The following PCDH15 variants were observed in gnomAD, a reference collection of about 807,000 sequenced individuals.
The protein encoded by PCDH15 is protocadherin-15.
Under a neutral mutation model 178.5 loss-of-function variants are expected in PCDH15, and 129 were observed. That is an observed-to-expected ratio of 0.72 (90% CI 0.63 to 0.84). The LOEUF (loss-of-function observed/expected upper bound fraction) is 0.84, where lower values mean the gene tolerates loss of function less well. Among genes scored for constraint, PCDH15 ranks in the 40% least tolerant of loss-of-function variants. The pLI is 0.00. For synonymous variants in PCDH15, 800 were observed against 732.0 expected (o/e 1.09, Z -1.50); for missense variants, 2,230 against 2,099.9 (o/e 1.06, Z -1.21).
At chr10:54,684,294 G>A (rs7893662) in intron 1 of PCDH15, among the ~76,000 whole-genome samples, 77,276 of 151,390 alleles carry the variant, frequency 0.51, 20,467 homozygotes, top group Non-Finnish European at 0.6. Flanking sequence ...AAAATGTATT[G>A]TAGGTATAGA....
chr10:55,397,079 T>A (rs775182108), intron 2 of PCDH15, among the ~76,000 whole-genome samples: 3 of 152,178 alleles, frequency 2.0e-5, no homozygotes, highest in African/African-American at 7.2e-5. Flanking sequence ...AAAATGAGAC[T>A]GCTATGTAGT....
intron 2 of PCDH15, among the ~76,000 whole-genome samples, chr10:54,645,162 CT>C (rs1226293943): frequency 1.3e-5 from 2 of 152,098 alleles, no homozygotes; most frequent in Non-Finnish European, 2.9e-5. Context: ...GCATTTCTTG[CT>C]ATTTTAAAAT....
At chr10:55,042,161 G>A (rs572651425) in intron 2 of PCDH15, among the ~76,000 whole-genome samples, 2 of 152,150 alleles carry the variant, frequency 1.3e-5, no homozygotes, top group Non-Finnish European at 2.9e-5. Flanking sequence ...TGAGACTCTA[G>A]GAAATTCAGA....
chr10:54,531,711 G>T (rs2132740038), intron 2 of PCDH15, among the ~76,000 whole-genome samples: 1 of 152,134 alleles, frequency 6.6e-6, no homozygotes, highest in South Asian at 2.1e-4. Flanking sequence ...TATTAACATA[G>T]TAATTGCCCT....
At chr10:54,327,898 C>G (rs896842694) in intron 7 of PCDH15, among the ~76,000 whole-genome samples, 1 of 152,000 alleles carries the variant, frequency 6.6e-6, no homozygotes, top group African/African-American at 2.4e-5. Context: ...TGTCTCCACA[C>G]GTGCACATCC....
intron 2 of PCDH15, among the ~76,000 whole-genome samples, chr10:55,535,606 A>G (rs1841559767): frequency 6.6e-6 from 1 of 152,014 alleles, no homozygotes; most frequent in South Asian, 2.1e-4. Flanking sequence ...GAAATATACA[A>G]GTTAACATTT....
chr10:54,270,257 A>G (rs2057964307), intron 8 of PCDH15, among the ~76,000 whole-genome samples: 1 of 152,112 alleles, frequency 6.6e-6, no homozygotes, highest in Non-Finnish European at 1.5e-5. Context: ...CTTATCATAC[A>G]TCCTAAACCA....
chr10:54,256,448 T>A (rs2056903581), intron 8 of PCDH15, among the ~76,000 whole-genome samples: 1 of 152,212 alleles, frequency 6.6e-6, no homozygotes, highest in Admixed American at 6.5e-5. Context: ...AGACTAACAT[T>A]TATTGATACT....
At chr10:55,358,583 C>T (rs1483862267) in intron 2 of PCDH15, among the ~76,000 whole-genome samples, 1 of 151,974 alleles carries the variant, frequency 6.6e-6, no homozygotes, top group Middle Eastern at 3.2e-3. Flanking sequence ...TAATAGTTGC[C>T]ACCTAAAGTA....
At chr10:54,790,778 CTT>C (rs1019031252) in intron 1 of PCDH15, among the ~76,000 whole-genome samples, 4 of 151,686 alleles carry the variant, frequency 2.6e-5, no homozygotes, top group African/African-American at 9.7e-5. Context: ...TAATCAGCCT[CTT>C]TGAATAAAAC....
At chr10:55,366,236 G>A (rs1227243963) in intron 2 of PCDH15, 2 of 151,984 alleles carry the variant, frequency 1.3e-5, no homozygotes, top group African/African-American at 4.8e-5. Flanking sequence ...ATAAGATTTT[G>A]TTTAGTTGGT....
At chr10:55,547,910 T>TGTGTGTGAGAGAGAGAGCGAGA (rs541144266) in intron 2 of PCDH15, among the ~76,000 whole-genome samples, 1 of 54,508 alleles carries the variant, frequency 1.8e-5, no homozygotes, top group Admixed American at 2.1e-4. Context: ...TGTGTGTGTG[T>TGTGTGTGAGAGAGAGAGCGAGA]GAGAGAGAGA....
intron 28 of PCDH15, among the ~76,000 whole-genome samples, chr10:53,850,258 C>T (rs951236163): frequency 9.2e-5 from 14 of 152,156 alleles, no homozygotes; most frequent in African/African-American, 3.4e-4. Flanking sequence ...TAAATCTGTG[C>T]TTTTTCTACA....
At chr10:55,250,788 G>A (rs1024405091) in intron 1 of PCDH15, among the ~76,000 whole-genome samples, 3 of 151,606 alleles carry the variant, frequency 2.0e-5, no homozygotes, top group African/African-American at 7.3e-5. Context: ...ACCCGCCTCA[G>A]CCTCCCAAAG....
At chr10:55,250,421 A>G (rs1841803991) in intron 1 of PCDH15, among the ~76,000 whole-genome samples, 1 of 151,776 alleles carries the variant, frequency 6.6e-6, no homozygotes. Flanking sequence ...TGCTACGATT[A>G]CAGGTATGAG....
At chr10:53,910,207 G>A (rs1367820503) in intron 25 of PCDH15, among the ~76,000 whole-genome samples, 1 of 152,166 alleles carries the variant, frequency 6.6e-6, no homozygotes, top group Non-Finnish European at 1.5e-5. Context: ...GCCTCCTCAA[G>A]TGGGTCCCTA....
intron 21 of PCDH15, among the ~76,000 whole-genome samples, chr10:53,994,232 A>G (rs563893642): frequency 2.6e-5 from 4 of 152,288 alleles, no homozygotes; most frequent in South Asian, 4.1e-4. Context: ...CTATACGAAG[A>G]CTTTCAGGTC....
At chr10:55,539,393 T>C (rs543453495) in intron 2 of PCDH15, among the ~76,000 whole-genome samples, 3 of 152,124 alleles carry the variant, frequency 2.0e-5, no homozygotes, top group African/African-American at 7.2e-5. Flanking sequence ...ACATCTACTA[T>C]GCAATTATGT....
intron 2 of PCDH15, chr10:54,619,272 A>G (rs1038972202): frequency 2.0e-5 from 3 of 152,070 alleles, no homozygotes; most frequent in Non-Finnish European, 4.4e-5. Flanking sequence ...GAAGTCATCA[A>G]TTCTCTCACA....
Sources: allele counts gnomAD v4.1 joint callset (sites outside exome capture counted in the v4.1 genomes callset), GRCh38; gene constraint gnomAD v4.1.1; transcripts MANE v1.5; gene names NCBI Gene and HGNC (gene_info 2026-07-23, HGNC 2026-07-21).